CSAD: variants seen among roughly 807,000 people sequenced by gnomAD.
The protein encoded by CSAD is cysteine sulfinic acid decarboxylase.
CSAD carries 47 observed loss-of-function variants against 61.5 expected under a neutral mutation model. That is an observed-to-expected ratio of 0.76 (90% CI 0.60 to 0.97). The LOEUF (loss-of-function observed/expected upper bound fraction) is 0.97, where lower values mean the gene tolerates loss of function less well. Ranked by LOEUF, CSAD falls within the 50% of genes least tolerant of loss-of-function variation. CSAD has a pLI of 0.00. For missense variants in CSAD, 611 were observed against 643.6 expected (o/e 0.95, Z 0.55); for synonymous variants, 245 against 252.7 (o/e 0.97, Z 0.29).
intron 6 of CSAD, 145 bp from the exon 7 acceptor site, chr12:53,172,133 C>T (rs1940658244): frequency 1.4e-6 from 1 of 725,810 alleles, no homozygotes. Flanking sequence ...GGTGACAGAA[C>T]CAGGGAAGCA....
intron 8 of CSAD, 76 bp downstream of exon 8, chr12:53,171,250 G>GACCT: frequency 6.2e-7 from 1 of 1,604,584 alleles, no homozygotes; most frequent in Non-Finnish European, 8.5e-7. Flanking sequence ...GCAGGGAGAA[G>GACCT]ACCTGGAAGG....
At chr12:53,160,485 C>T (rs1939155705) in intron 13 of CSAD, among the ~76,000 whole-genome samples, 166 bp from the exon 14 acceptor site, 1 of 152,200 alleles carries the variant, frequency 6.6e-6, no homozygotes, top group African/African-American at 2.4e-5. Context: ...TTTGGGTTTC[C>T]TCCCAATACC....
intron 10 of CSAD, among the ~76,000 whole-genome samples, chr12:53,165,818 T>C (rs1023773900): frequency 6.6e-6 from 1 of 152,168 alleles, no homozygotes. Flanking sequence ...AGAATTACCA[T>C]ATGCTCCAGC....
chr12:53,171,183 G>A (rs1400538098), intron 8 of CSAD, 143 bp downstream of exon 8: 2 of 1,277,436 alleles, frequency 1.6e-6, no homozygotes, highest in Non-Finnish European at 2.2e-6. Flanking sequence ...TGACCTCCTT[G>A]ATTGGAAGGA....
rs1939273509 is a variant in CSAD, at chr12:53,161,473, C to T, written c.703-84G>A. 11 of 1,088,752 alleles carry T rather than the reference C, an allele frequency of 1.0e-5. No homozygotes were observed. In the Middle Eastern group the frequency reaches 8.3e-4, roughly 82 times the overall value. The allele number at this position is 1,088,752 out of a possible 1,614,324, so 67.4% of individuals were successfully genotyped here. A position where few individuals can be genotyped will look rare whatever the true frequency, so the allele number is the denominator to read the frequency against. The stretch of plus-strand genomic sequence containing the variant: ...CTGATGCTGGGCCCAGCTCTAAGCT[C>T]TTTGCATGCCTAAAATGGCCCATTT... On this transcript the variant is annotated intron_variant, in intron 10 of 16. Coordinates refer to ENST00000444623, the MANE Select transcript of CSAD (RefSeq NM_001244705.2).
intron 10 of CSAD, among the ~76,000 whole-genome samples, chr12:53,165,148 G>A (rs1485431094): frequency 6.6e-6 from 1 of 152,050 alleles, no homozygotes; most frequent in African/African-American, 2.4e-5. Context: ...CAGCGAAATG[G>A]AATTTTGGTA....
chr12:53,168,264 G>T (rs1940153950), intron 10 of CSAD, among the ~76,000 whole-genome samples: 1 of 152,088 alleles, frequency 6.6e-6, no homozygotes, highest in East Asian at 1.9e-4. Context: ...TTCTTTAGGG[G>T]GTGATAAAAA....
chr12:53,180,332 G>A, intron 1 of CSAD: 2 of 985,422 alleles, frequency 2.0e-6, no homozygotes, highest in Non-Finnish European at 2.4e-6. Context: ...CGCCGGCTCA[G>A]AGCGATGGGC....
intron 4 of CSAD, 139 bp downstream of exon 4, chr12:53,173,191 GAGCGAGACTCTGTCA>G (rs1199031335): frequency 2.7e-6 from 2 of 733,312 alleles, no homozygotes; most frequent in African/African-American, 3.6e-5. Flanking sequence ...CTGGCCGATA[GAGCGAGACTCTGTCA>G]AGAAAGAAAG....
chr12:53,171,262 C>T (rs562132234), intron 8 of CSAD, 64 bp downstream of exon 8: 235 of 1,610,172 alleles, frequency 1.5e-4, no homozygotes, highest in Non-Finnish European at 1.9e-4. Flanking sequence ...CCTGGAAGGT[C>T]TCTACTTAGC....
At position 53,167,583 on chromosome 12, in the gene CSAD, A is replaced by T. The variant is rs566058302; in HGVS notation, c.702+2489T>A. ...AAATGGGTGAAGGATCTGAATAGACATTTTTCCAAAGAAGATATACAAATG... is the reference window on the plus strand; with the variant it reads ...AAATGGGTGAAGGATCTGAATAGACTTTTTTCCAAAGAAGATATACAAATG... On this transcript the variant is annotated intron_variant, in intron 10 of 16. Coordinates refer to ENST00000444623, the MANE Select transcript of CSAD (RefSeq NM_001244705.2). Among the ~76,000 whole-genome samples, 147 of 152,330 alleles carry T rather than the reference A, an allele frequency of 9.7e-4. 1 individual carries two copies. The highest frequency in any genetic ancestry group is 6.8e-3 in the Middle Eastern group (2 of 294).
chr12:53,160,300 T>C lies in CSAD; in HGVS notation c.986A>G (p.His329Arg), dbSNP rs759865620. 4 of 1,614,164 alleles carry C rather than the reference T, an allele frequency of 2.5e-6. No homozygotes were observed. The highest frequency in any genetic ancestry group is 1.3e-5 in the African/African-American group (1 of 75,050). The change falls in exon 14 of 17, where the codon CAT becomes CGT. Residue 329 changes from histidine to arginine, a missense_variant. Physicochemically the swap from His to Arg is conservative, Grantham distance 29 (BLOSUM62 0). Transcript: ENST00000444623. Reference protein sequence around the residue: ...QDTSNLLKRCHGSQASYLFQQ... With the variant: ...QDTSNLLKRCRGSQASYLFQQ... ...GAAAAGGTAGCTGGCCTGGGACCCA[T>C]GGCAGCGCTTGAGCAGGTTCTGTGT... is the stretch of plus-strand genomic sequence containing the variant.
intron 2 of CSAD, among the ~76,000 whole-genome samples, chr12:53,176,326 C>T (rs1463812555): frequency 1.3e-5 from 2 of 152,110 alleles, no homozygotes; most frequent in Non-Finnish European, 2.9e-5. Flanking sequence ...AGAAGAATCG[C>T]TTGAACCCGG....
In CSAD at chr12:53,161,374, G is replaced by A. The variant is rs1459395188; in HGVS notation, c.718C>T (p.Leu240=). 2 of 1,613,790 alleles carry A rather than the reference G, an allele frequency of 1.2e-6. No homozygotes were observed. The highest frequency in any genetic ancestry group is 1.7e-6 in the Non-Finnish European group (2 of 1,179,836). ...MAEAEGAVPF[L]VSATSGTTVL... ...GTGGTGCCAGAGGTGGCACTGACCA[G>A]GAACGGCACAGCACCCTGTTGCCAA... Residue 240 remains leucine (L), a synonymous_variant, in exon 11 of 17, where the codon CTG becomes TTG. Transcript: ENST00000444623.
chr12:53,178,316 C>CA (rs755218333), intron 2 of CSAD: 74 of 450,178 alleles, frequency 1.6e-4, no homozygotes, highest in Admixed American at 9.4e-4. Context: ...CTACAAAAAA[C>CA]AAAAAAACAA....
At position 53,159,720 on chromosome 12, in the gene CSAD, G is replaced by A. The variant is rs541479354; in HGVS notation, c.1219-8C>T. The A allele has an allele frequency of 1.6e-4, 257 of 1,603,024 alleles. No homozygotes were observed. Among genetic ancestry groups the A allele is most frequent in the Non-Finnish European group, 2.1e-4 (247 of 1,174,098 alleles). On this transcript the variant is annotated splice_region_variant and splice_polypyrimidine_tract_variant and intron_variant, in intron 15 of 16. Coordinates refer to ENST00000444623, the MANE Select transcript of CSAD (RefSeq NM_001244705.2). ...CACATTGACAAACTCAGGCTGAGAGGAATGAGAAAGAGGAAGGTGTGAGCT... is the reference window on the plus strand; with the variant it reads ...CACATTGACAAACTCAGGCTGAGAGAAATGAGAAAGAGGAAGGTGTGAGCT...
chr12:53,160,161 T>C lies in CSAD; in HGVS notation c.1125A>G (p.Gln375=), dbSNP rs1592302191. The change falls in exon 14 of 17, where the codon CAA becomes CAG. Residue 375 remains glutamine, a synonymous_variant. Transcript: ENST00000444623. ...CCTGGTCGATGCGCCGCTCCAGCCCTTGATCGCCCTGTGCCTTCCACATGA... is the reference window on the plus strand; with the variant it reads ...CCTGGTCGATGCGCCGCTCCAGCCCCTGATCGCCCTGTGCCTTCCACATGA... ...LWLMWKAQGD[Q]GLERRIDQAF... The C allele has an allele frequency of 6.2e-7, 1 of 1,613,986 alleles. No individual in the cohort carries two copies.
Position 53,158,572 on chromosome 12 carries a change from A to G in CSAD, c.1421T>C (p.Leu474Pro). Residue 474 changes from leucine (L) to proline (P), a missense_variant, in exon 17 of 17, where the codon CTG becomes CCG. Transcript: ENST00000444623. ...GAGGAAGTCCATATCAGCACAGGTC[A>G]GTGCAGAGTTGGCCACAACCACACG... ...FFRVVVANSA[L>P]TCADMDFLLN... is the part of the protein sequence containing the mutation. 6.2e-7 allele frequency: 1 copy of G among 1,613,280 alleles called. No individual in the cohort carries two copies. The highest frequency in any genetic ancestry group is 8.5e-7 in the Non-Finnish European group (1 of 1,180,016).
intron 4 of CSAD, among the ~76,000 whole-genome samples, chr12:53,172,885 A>G (rs1404353947): frequency 6.6e-6 from 1 of 152,210 alleles, no homozygotes; most frequent in Admixed American, 6.5e-5. Flanking sequence ...TCAAAGGAGG[A>G]AAGTTCTGAG....
Sources: allele counts gnomAD v4.1 joint callset (sites outside exome capture counted in the v4.1 genomes callset), GRCh38; gene constraint gnomAD v4.1.1; transcripts MANE v1.5; gene names NCBI Gene and HGNC (gene_info 2026-07-23, HGNC 2026-07-21).